Variants in FAF1 observed in about 807,000 individuals in gnomAD.
FAF1 encodes the protein FAS-associated factor 1.
FAF1 carries 25 observed loss-of-function variants against 92.5 expected under a neutral mutation model. The observed-to-expected ratio is 0.27, with a 90% CI of 0.20 to 0.38. The LOEUF (loss-of-function observed/expected upper bound fraction) is 0.38, where lower values mean the gene tolerates loss of function less well. Among genes scored for constraint, FAF1 ranks in the 10% least tolerant of loss-of-function variants. The probability of loss-of-function intolerance (pLI) is 1.00; values close to 1 mark genes in which losing one functional copy is unlikely to be tolerated. For synonymous variants in FAF1, 234 were observed against 273.2 expected, an observed-to-expected ratio of 0.86 and a Z score of 1.42; for missense variants, 636 against 793.3, an observed-to-expected ratio of 0.80 and a Z score of 2.38.
chr1:50,746,682 C>T (rs950069040), intron 4 of FAF1, among the ~76,000 whole-genome samples: 1 of 151,972 alleles, frequency 6.6e-6, no homozygotes, highest in African/African-American at 2.4e-5. Flanking sequence ...AAAAGAAAAG[C>T]CAATTTTCAG....
intron 17 of FAF1, among the ~76,000 whole-genome samples, chr1:50,485,813 G>A (rs1646761610): frequency 6.6e-6 from 1 of 151,958 alleles, no homozygotes; most frequent in African/African-American, 2.4e-5. Context: ...TACAATCATG[G>A]TGGAAGGCGA....
At chr1:50,897,784 C>T (rs1644768572) in intron 1 of FAF1, among the ~76,000 whole-genome samples, 1 of 152,188 alleles carries the variant, frequency 6.6e-6, no homozygotes, top group Non-Finnish European at 1.5e-5. Flanking sequence ...TGACTTTACT[C>T]TATCAATGCA....
chr1:50,507,498 T>G (rs1158164405), intron 15 of FAF1, among the ~76,000 whole-genome samples: 2 of 152,082 alleles, frequency 1.3e-5, no homozygotes, highest in African/African-American at 2.4e-5. Context: ...CAGTGTTTTT[T>G]GGGGGCCAAA....
intron 8 of FAF1, among the ~76,000 whole-genome samples, chr1:50,646,948 C>T (rs1569667369): frequency 6.6e-6 from 1 of 152,324 alleles, no homozygotes; most frequent in African/African-American, 2.4e-5. Context: ...TAGGTTCAAG[C>T]AATTCTTGTG....
rs1644023468 is a variant in FAF1, at chr1:50,819,765, GTATATATATATACA to G, written c.115-18102_115-18089del. ...CATATATATATACATATATATATAC[GTATATATATATACA>G]TATATATACATATATATATATACAT... On this transcript the variant is annotated intron_variant, in intron 2 of 18. Coordinates refer to ENST00000396153, the MANE Select transcript of FAF1 (RefSeq NM_007051.3). Among the ~76,000 whole-genome samples the G allele has an allele frequency of 2.0e-4, 8 of 40,168 alleles. 2 individuals carry two copies. Among genetic ancestry groups the G allele is most frequent in the African/African-American group, 2.9e-4 (2 of 6,798 alleles). 26.4% of individuals were successfully genotyped at this position (40,168 alleles called of 152,430 possible). A position where few individuals can be genotyped will look rare whatever the true frequency, so the allele number is the denominator to read the frequency against.
chr1:50,652,252 T>C (rs556698553), intron 8 of FAF1, among the ~76,000 whole-genome samples: 2 of 152,344 alleles, frequency 1.3e-5, no homozygotes, highest in South Asian at 4.1e-4. Flanking sequence ...TTTCCATATT[T>C]TCCTATAGTA....
At chr1:50,536,515 A>G (rs967658160) in intron 14 of FAF1, among the ~76,000 whole-genome samples, 1 of 152,180 alleles carries the variant, frequency 6.6e-6, no homozygotes, top group African/African-American at 2.4e-5. Flanking sequence ...ATGATCTTTC[A>G]GTGGTCCTTT....
intron 7 of FAF1, among the ~76,000 whole-genome samples, chr1:50,688,570 T>C (rs1244224692): frequency 3.3e-5 from 5 of 152,200 alleles, no homozygotes; most frequent in Non-Finnish European, 4.4e-5. Context: ...CATAGCACTT[T>C]GGGAGGCCAA....
chr1:50,485,590 A>T (rs1395080709), intron 17 of FAF1, among the ~76,000 whole-genome samples: 1 of 138,798 alleles, frequency 7.2e-6, no homozygotes, highest in Non-Finnish European at 1.5e-5. Context: ...TGAACCCAGG[A>T]GGCAGAGGTT....
chr1:50,575,380 C>T (rs975251526), intron 12 of FAF1, among the ~76,000 whole-genome samples: 7 of 152,094 alleles, frequency 4.6e-5, no homozygotes, highest in Non-Finnish European at 8.8e-5. Flanking sequence ...TATCTAATTA[C>T]AGAACAGCAG....
At chr1:50,729,320 G>A (rs181815853) in intron 6 of FAF1, among the ~76,000 whole-genome samples, 2,751 of 151,804 alleles carry the variant, frequency 0.018, 48 homozygotes, top group South Asian at 0.025. Flanking sequence ...CTCCCAAAGC[G>A]CTGGGATTAC....
intron 12 of FAF1, among the ~76,000 whole-genome samples, chr1:50,579,219 A>G (rs1650884280): frequency 6.6e-6 from 1 of 152,168 alleles, no homozygotes; most frequent in Admixed American, 6.5e-5. Context: ...ACACTTAGTA[A>G]AAGTTCTTTT....
chr1:50,503,576 C>A (rs1647018093), intron 15 of FAF1, among the ~76,000 whole-genome samples: 1 of 150,124 alleles, frequency 6.7e-6, no homozygotes, highest in African/African-American at 2.5e-5. Flanking sequence ...GACTGCACCA[C>A]TGCATTCCAG....
At chr1:50,718,397 T>C (rs1658279138) in intron 6 of FAF1, among the ~76,000 whole-genome samples, 1 of 152,192 alleles carries the variant, frequency 6.6e-6, no homozygotes, top group Admixed American at 6.5e-5. Context: ...AATAACATTA[T>C]ATGTCCACTG....
At chr1:50,801,819 G>A in intron 2 of FAF1, 142 bp from the exon 3 acceptor site, 1 of 558,744 alleles carries the variant, frequency 1.8e-6, no homozygotes. Flanking sequence ...GCAAAATGTT[G>A]TCTATTAAAT....
intron 1 of FAF1, among the ~76,000 whole-genome samples, chr1:50,905,260 C>G (rs1420813865): frequency 6.6e-6 from 1 of 152,156 alleles, no homozygotes; most frequent in Non-Finnish European, 1.5e-5. Context: ...TGTACATGTG[C>G]CACATTTTCT....
At chr1:50,518,970 T>C (rs1647345531) in intron 15 of FAF1, among the ~76,000 whole-genome samples, 1 of 152,140 alleles carries the variant, frequency 6.6e-6, no homozygotes, top group African/African-American at 2.4e-5. Context: ...TATTTTAGCA[T>C]ACAAGCAGTG....
chr1:50,596,432 A>G (rs978853441), intron 8 of FAF1, among the ~76,000 whole-genome samples: 3 of 152,182 alleles, frequency 2.0e-5, no homozygotes, highest in African/African-American at 7.2e-5. Context: ...TAGATGATAG[A>G]CTGAGGTTCT....
At chr1:50,798,204 C>G (rs1369967003) in intron 3 of FAF1, among the ~76,000 whole-genome samples, 1 of 152,028 alleles carries the variant, frequency 6.6e-6, no homozygotes, top group Non-Finnish European at 1.5e-5. Context: ...AGTACAAAAC[C>G]TGGGCATTTA....
Sources: allele counts gnomAD v4.1 joint callset (sites outside exome capture counted in the v4.1 genomes callset), GRCh38; gene constraint gnomAD v4.1.1; transcripts MANE v1.5; gene names NCBI Gene and HGNC (gene_info 2026-07-23, HGNC 2026-07-21).